PTPRD: variants seen among roughly 807,000 people sequenced by gnomAD.
PTPRD encodes the protein receptor-type tyrosine-protein phosphatase delta.
In PTPRD, 34 loss-of-function variants were observed where a neutral mutation model predicts 214.5. The ratio of observed to expected loss-of-function variants is 0.16; its 90% confidence interval spans 0.12 to 0.21. PTPRD has a LOEUF of 0.21. Ranked by LOEUF, PTPRD falls within the 10% of genes least tolerant of loss-of-function variation. The probability of loss-of-function intolerance (pLI) is 1.00; values close to 1 mark genes in which losing one functional copy is unlikely to be tolerated. For synonymous variants in PTPRD, 1,128 were observed against 845.7 expected, an observed-to-expected ratio of 1.33 and a Z score of -5.79; for missense variants, 2,545 against 2,398.7, an observed-to-expected ratio of 1.06 and a Z score of -1.27.
At chr9:9,324,306 A>G (rs993061524) in intron 9 of PTPRD, among the ~76,000 whole-genome samples, 2 of 152,218 alleles carry the variant, frequency 1.3e-5, no homozygotes, top group African/African-American at 4.8e-5. Flanking sequence ...ATTCCCACCA[A>G]CAGTGTAAAA....
At chr9:8,919,594 C>T (rs1588031745) in intron 11 of PTPRD, among the ~76,000 whole-genome samples, 2 of 152,102 alleles carry the variant, frequency 1.3e-5, no homozygotes, top group Non-Finnish European at 2.9e-5. Context: ...CATGCAGAAA[C>T]ATCTCACTTT....
intron 7 of PTPRD, among the ~76,000 whole-genome samples, chr9:9,710,876 C>A (rs1488302377): frequency 1.3e-5 from 2 of 152,096 alleles, no homozygotes; most frequent in Non-Finnish European, 2.9e-5. Flanking sequence ...GACATGATTT[C>A]CAGCCAGGGC....
At chr9:10,189,729 T>C (rs1214102778) in intron 3 of PTPRD, among the ~76,000 whole-genome samples, 1 of 152,102 alleles carries the variant, frequency 6.6e-6, no homozygotes, top group Non-Finnish European at 1.5e-5. Flanking sequence ...TACAAGGCAC[T>C]ATAAGAAAAT....
intron 7 of PTPRD, among the ~76,000 whole-genome samples, chr9:9,603,388 C>T (rs2093921880): frequency 6.6e-6 from 1 of 152,056 alleles, no homozygotes; most frequent in Non-Finnish European, 1.5e-5. Flanking sequence ...CTATGGTACC[C>T]TAATTTCAAT....
chr9:9,298,550 CT>C (rs1304170331), intron 9 of PTPRD, among the ~76,000 whole-genome samples: 1 of 151,544 alleles, frequency 6.6e-6, no homozygotes, highest in African/African-American at 2.4e-5. Flanking sequence ...TTTTCATTGA[CT>C]TTTTTTGGAA....
intron 9 of PTPRD, among the ~76,000 whole-genome samples, chr9:9,312,734 G>A (rs1959650959): frequency 6.6e-6 from 1 of 152,108 alleles, no homozygotes; most frequent in African/African-American, 2.4e-5. Context: ...AGGCATGTTA[G>A]AAAATAAATG....
intron 10 of PTPRD, among the ~76,000 whole-genome samples, chr9:9,038,553 GTTT>G (rs35388432): frequency 1.8e-4 from 23 of 129,018 alleles, no homozygotes; most frequent in South Asian, 5.1e-4. Flanking sequence ...TGTGATAACG[GTTT>G]TTTTTTTTTT....
intron 33 of PTPRD, among the ~76,000 whole-genome samples, chr9:8,451,357 A>T (rs528913579): frequency 2.0e-5 from 3 of 152,256 alleles, no homozygotes; most frequent in East Asian, 3.9e-4. Flanking sequence ...CCATTCCACC[A>T]ATCAGAGGTG....
At chr9:8,914,570 G>A (rs1378028544) in intron 11 of PTPRD, among the ~76,000 whole-genome samples, 2 of 152,052 alleles carry the variant, frequency 1.3e-5, no homozygotes, top group East Asian at 1.9e-4. Context: ...TAATGATTGG[G>A]AACTGTTATA....
At chr9:8,777,897 G>C (rs2095547743) in intron 11 of PTPRD, among the ~76,000 whole-genome samples, 1 of 152,088 alleles carries the variant, frequency 6.6e-6, no homozygotes, top group Non-Finnish European at 1.5e-5. Context: ...AACCCACCAT[G>C]AAAAACATCC....
intron 9 of PTPRD, among the ~76,000 whole-genome samples, chr9:9,318,855 T>A (rs1217144349): frequency 6.6e-6 from 1 of 152,174 alleles, no homozygotes; most frequent in Non-Finnish European, 1.5e-5. Flanking sequence ...ATAATCAAAG[T>A]GGATAAACTC....
chr9:9,299,585 GC>G (rs941359874), intron 9 of PTPRD, among the ~76,000 whole-genome samples: 5 of 151,612 alleles, frequency 3.3e-5, no homozygotes, highest in Non-Finnish European at 7.4e-5. Context: ...TCTCAAAAGG[GC>G]CCCTTCCTTT....
chr9:8,933,339 G>GTTTTTTT (rs1567089304), intron 11 of PTPRD, among the ~76,000 whole-genome samples: 7 of 68,804 alleles, frequency 1.0e-4, no homozygotes, highest in African/African-American at 3.0e-4. Context: ...ACAACCTTGA[G>GTTTTTTT]GTTTTTTTTT....
intron 2 of PTPRD, among the ~76,000 whole-genome samples, chr9:10,521,538 T>C (rs1390291968): frequency 6.6e-6 from 1 of 152,180 alleles, no homozygotes; most frequent in Non-Finnish European, 1.5e-5. Context: ...TGAAAGAATG[T>C]CTACTATAGT....
chr9:8,745,575 T>C (rs922826374), intron 11 of PTPRD, among the ~76,000 whole-genome samples: 1 of 152,162 alleles, frequency 6.6e-6, no homozygotes, highest in Admixed American at 6.5e-5. Flanking sequence ...TTCTAAAGGG[T>C]CAATCTTTAA....
intron 3 of PTPRD, among the ~76,000 whole-genome samples, chr9:10,250,912 T>A (rs942960292): frequency 6.6e-6 from 1 of 151,982 alleles, no homozygotes; most frequent in Non-Finnish European, 1.5e-5. Context: ...GGCATCCACA[T>A]CTTTTCTAAA....
At chr9:10,159,557 C>T (rs145369212) in intron 3 of PTPRD, among the ~76,000 whole-genome samples, 227 of 152,008 alleles carry the variant, frequency 1.5e-3, no homozygotes, top group African/African-American at 5.0e-3. Context: ...TATATGAACT[C>T]CTTGATAAAT....
In PTPRD at chr9:8,527,345, C is replaced by T; in HGVS notation, c.550G>A (p.Gly184Ser). 1 of 1,606,330 alleles carries T rather than the reference C, an allele frequency of 6.2e-7. No homozygotes were observed. The highest frequency in any genetic ancestry group is 8.5e-7 in the Non-Finnish European group (1 of 1,176,304). Residue 184 changes from glycine to serine, a missense_variant and splice_region_variant, in exon 16 of 46, where the codon GGT (glycine) becomes AGT (serine). Coordinates refer to ENST00000381196, the MANE Select transcript of PTPRD (RefSeq NM_002839.4). ...RIKQLRSESI[G>S]GTPIRGALQI... is the part of the protein sequence containing the mutation. Reference sequence around the variant, plus strand: ...GTGCGCTTCAGAACTAAGCACTTACCAATAGATTCTGGAGATTTAAATACG... The same window carrying T: ...GTGCGCTTCAGAACTAAGCACTTACTAATAGATTCTGGAGATTTAAATACG...
At chr9:10,046,026 A>G (rs865874407) in intron 3 of PTPRD, among the ~76,000 whole-genome samples, 13 of 151,802 alleles carry the variant, frequency 8.6e-5, no homozygotes, top group South Asian at 2.1e-4. Context: ...TTGTTAAACT[A>G]GAAAATATGA....
Sources: allele counts gnomAD v4.1 joint callset (sites outside exome capture counted in the v4.1 genomes callset), GRCh38; gene constraint gnomAD v4.1.1; transcripts MANE v1.5; gene names NCBI Gene and HGNC (gene_info 2026-07-23, HGNC 2026-07-21).